MED9: variants seen among roughly 807,000 people sequenced by gnomAD.
MED9 encodes the protein mediator complex subunit 9, also known as mediator of RNA polymerase II transcription subunit 9.
Under a neutral mutation model 13.2 loss-of-function variants are expected in MED9, and 8 were observed. The observed-to-expected ratio is 0.61, with a 90% CI of 0.36 to 1.10. The LOEUF (loss-of-function observed/expected upper bound fraction) is 1.10, where lower values mean the gene tolerates loss of function less well. MED9 is among the 50% of genes least tolerant of loss of function. MED9 has a pLI of 0.02. For synonymous variants in MED9, 87 were observed against 82.8 expected, an observed-to-expected ratio of 1.05 and a Z score of -0.28; for missense variants, 180 against 193.4, an observed-to-expected ratio of 0.93 and a Z score of 0.41.
chr17:17,477,263 A>G lies in MED9; in HGVS notation c.222A>G (p.Lys74=), dbSNP rs1904940200. The change falls in exon 1 of 2, where the codon AAA becomes AAG. Residue 74 remains lysine (K), a splice_region_variant and synonymous_variant. Coordinates refer to ENST00000268711, the MANE Select transcript of MED9 (RefSeq NM_018019.3). ...SFLPLVHNII[K]CMDKDSPEVH... ...TACCTTTGGTTCACAACATCATCAA[A>G]TGGTAAGAACCTAGGAGAGGACCAG... 1 of 1,592,316 alleles carries G rather than the reference A, an allele frequency of 6.3e-7. No individual in the cohort carries two copies. Among genetic ancestry groups the G allele is most frequent in the Non-Finnish European group, 8.6e-7 (1 of 1,167,610 alleles).
chr17:17,485,954 C>G (rs1905120709), intron 1 of MED9: 1 of 152,202 alleles, frequency 6.6e-6, no homozygotes, highest in Non-Finnish European at 1.5e-5. Context: ...CTTGGCAGAA[C>G]TGGAGCAGAG....
chr17:17,490,344 G>A (rs1053567624), intron 1 of MED9, among the ~76,000 whole-genome samples: 1 of 152,242 alleles, frequency 6.6e-6, no homozygotes, highest in Admixed American at 6.5e-5. Context: ...GCTGAGGCAG[G>A]AGAATTGCTT....
Position 17,492,831 on chromosome 17 carries a change from G to A in MED9, c.*1336G>A, listed in dbSNP as rs1488177471. ...CATTAGTGTAGACCTGTAGCCACCTGTCAGAAGGTGGGTGGCATATTGGGG... is the reference window on the plus strand; with the variant it reads ...CATTAGTGTAGACCTGTAGCCACCTATCAGAAGGTGGGTGGCATATTGGGG... On this transcript the variant is annotated 3_prime_UTR_variant, in exon 2 of 2. Coordinates refer to ENST00000268711, the MANE Select transcript of MED9 (RefSeq NM_018019.3). The A allele has an allele frequency of 1.3e-5, 2 of 152,246 alleles. No individual in the cohort carries two copies. Among genetic ancestry groups the A allele is most frequent in the African/African-American group, 4.8e-5 (2 of 41,442 alleles). The allele number at this position is 152,246 out of a possible 1,614,324, so 9.4% of individuals were successfully genotyped here.
At chr17:17,487,228 T>G (rs1253669753) in intron 1 of MED9, 1 of 152,256 alleles carries the variant, frequency 6.6e-6, no homozygotes, top group Admixed American at 6.5e-5. Context: ...AACAGGCCAC[T>G]CGGCTCTACC....
intron 1 of MED9, chr17:17,486,376 G>A (rs1438928139): frequency 2.0e-5 from 3 of 152,794 alleles, no homozygotes; most frequent in Admixed American, 6.5e-5. Context: ...CGGGAACCAG[G>A]GCTGCGTGCG....
chr17:17,486,382 G>T (rs1164044937), intron 1 of MED9: 1 of 152,752 alleles, frequency 6.5e-6, no homozygotes, highest in Non-Finnish European at 1.5e-5. Flanking sequence ...CCAGGGCTGC[G>T]TGCGGCGCTT....
At chr17:17,488,689 C>T (rs1467880634) in intron 1 of MED9, among the ~76,000 whole-genome samples, 1 of 152,118 alleles carries the variant, frequency 6.6e-6, no homozygotes, top group Admixed American at 6.5e-5. Flanking sequence ...CAAAATTAGC[C>T]GGGCGTGGTA....
chr17:17,487,089 A>G, intron 1 of MED9: 1 of 152,298 alleles, frequency 6.6e-6, no homozygotes, highest in Non-Finnish European at 1.5e-5. Context: ...GACACTCTGT[A>G]TCTAGCTGCT....
chr17:17,477,523 C>T lies in MED9; in HGVS notation c.224+258C>T, dbSNP rs577957166. 7.1e-5 allele frequency: 33 copies of T among 464,312 alleles called. No individual in the cohort carries two copies. The East Asian group carries it at 1.0e-3, about 14-fold the overall frequency. 28.8% of individuals were successfully genotyped at this position (464,312 alleles called of 1,614,324 possible). On this transcript the variant is annotated intron_variant, in intron 1 of 1. Transcript: ENST00000268711. ...AGACTAAATGCAGACTCTTGTCCAGCGGCTCAAATGTTCATCCCAGCGATC... is the reference window on the plus strand; with the variant it reads ...AGACTAAATGCAGACTCTTGTCCAGTGGCTCAAATGTTCATCCCAGCGATC...
At chr17:17,489,473 T>C (rs989759783) in intron 1 of MED9, among the ~76,000 whole-genome samples, 1 of 152,260 alleles carries the variant, frequency 6.6e-6, no homozygotes, top group South Asian at 2.1e-4. Context: ...TTGAGACTCA[T>C]GTGAGTCGGT....
chr17:17,478,168 G>C (rs1487887345), intron 1 of MED9, among the ~76,000 whole-genome samples: 1 of 152,074 alleles, frequency 6.6e-6, no homozygotes, highest in African/African-American at 2.4e-5. Flanking sequence ...GCGAATTTTT[G>C]TATTTTTTGT....
chr17:17,478,209 T>C (rs1300138013), intron 1 of MED9, among the ~76,000 whole-genome samples: 3 of 152,232 alleles, frequency 2.0e-5, no homozygotes, highest in African/African-American at 2.4e-5. Flanking sequence ...TTGCCCAGGC[T>C]GTAAATTATT....
intron 1 of MED9, among the ~76,000 whole-genome samples, chr17:17,479,743 A>G (rs151114677): frequency 6.6e-6 from 1 of 152,280 alleles, no homozygotes; most frequent in Non-Finnish European, 1.5e-5. Flanking sequence ...TGGGAGGATC[A>G]CTTGAACCCA....
chr17:17,481,107 C>G (rs1905026057), intron 1 of MED9, among the ~76,000 whole-genome samples: 1 of 152,148 alleles, frequency 6.6e-6, no homozygotes, highest in Admixed American at 6.5e-5. Context: ...AGGGAAGAGC[C>G]AGGAAACAGA....
chr17:17,478,164 T>G (rs1390985993), intron 1 of MED9, among the ~76,000 whole-genome samples: 1 of 152,134 alleles, frequency 6.6e-6, no homozygotes, highest in African/African-American at 2.4e-5. Flanking sequence ...CCCAGCGAAT[T>G]TTTGTATTTT....
intron 1 of MED9, among the ~76,000 whole-genome samples, chr17:17,480,862 T>G (rs927120500): frequency 4.0e-5 from 6 of 151,236 alleles, no homozygotes; most frequent in Admixed American, 6.6e-5. Context: ...GAGGGAGGAA[T>G]AAGGGCAGAG....
intron 1 of MED9, among the ~76,000 whole-genome samples, chr17:17,478,931 T>C (rs1263509): frequency 0.68 from 103,482 of 151,994 alleles, 35,944 homozygotes; most frequent in Non-Finnish European, 0.76. Flanking sequence ...ATAATGATCA[T>C]AGACAGAAAT....
chr17:17,483,571 C>G lies in MED9; in HGVS notation c.224+6306C>G, dbSNP rs113905160. ...CTGCTTGGAGTTGGAACCCATAGCA[C>G]TTTCATCTCTTCTAGTGTCTTTCCC... is the stretch of plus-strand genomic sequence containing the variant. On this transcript the variant is annotated intron_variant, in intron 1 of 1. Coordinates refer to ENST00000268711, the MANE Select transcript of MED9 (RefSeq NM_018019.3). This position sits in a 1 kb window ranked among gnomAD's most constrained non-coding sequence, Gnocchi z 4.2. 0.015 allele frequency among the ~76,000 whole-genome samples: 2,296 copies of G among 152,342 alleles called. 58 individuals are homozygous for G. Among genetic ancestry groups the G allele is most frequent in the African/African-American group, 0.052 (2,178 of 41,562 alleles).
chr17:17,486,099 T>C (rs1465186406), intron 1 of MED9: 1 of 152,012 alleles, frequency 6.6e-6, no homozygotes, highest in African/African-American at 2.4e-5. Flanking sequence ...CTGTCAAAAA[T>C]TTAAATATAT....
Sources: gnomAD v4.1 joint callset for allele counts (sites outside exome capture counted in the v4.1 genomes callset) on GRCh38, gnomAD v4.1.1 for gene constraint, Gnocchi (gnomAD v3.1) non-coding constraint, MANE v1.5 for transcripts, NCBI Gene and HGNC (gene_info 2026-07-23, HGNC 2026-07-21) for gene names.